The following BAIAP2L1 variants were observed in gnomAD, a reference collection of about 807,000 sequenced individuals.
The protein encoded by BAIAP2L1 is BAR/IMD domain containing adaptor protein 2 like 1.
In BAIAP2L1, 35 loss-of-function variants were observed where a neutral mutation model predicts 66.3. The observed-to-expected ratio is 0.53, with a 90% CI of 0.40 to 0.70. BAIAP2L1 has a LOEUF of 0.70. Among genes scored for constraint, BAIAP2L1 ranks in the 30% least tolerant of loss-of-function variants. The pLI is 0.00. For missense variants in BAIAP2L1, 622 were observed against 656.9 expected (o/e 0.95, Z 0.58); for synonymous variants, 269 against 248.7 (o/e 1.08, Z -0.77).
At chr7:98,393,709 T>C (rs754047037) in intron 1 of BAIAP2L1, among the ~76,000 whole-genome samples, 251 of 150,316 alleles carry the variant, frequency 1.7e-3, no homozygotes, top group Non-Finnish European at 2.7e-3. Context: ...GTGGTCTTGA[T>C]CTCCTGACTT....
At chr7:98,395,151 T>C (rs749694273) in intron 1 of BAIAP2L1, among the ~76,000 whole-genome samples, 1 of 149,088 alleles carries the variant, frequency 6.7e-6, no homozygotes, top group Non-Finnish European at 1.5e-5. Context: ...AGAAAGAAAA[T>C]AATCCCAGCC....
intron 1 of BAIAP2L1, among the ~76,000 whole-genome samples, chr7:98,367,612 T>C (rs1802415943): frequency 6.8e-6 from 1 of 146,208 alleles, no homozygotes; most frequent in Admixed American, 7.2e-5. Context: ...CTCGGCTCAC[T>C]GCAAGCTCTG....
At chr7:98,388,550 A>T (rs1428396964) in intron 1 of BAIAP2L1, among the ~76,000 whole-genome samples, 1 of 152,252 alleles carries the variant, frequency 6.6e-6, no homozygotes, top group Non-Finnish European at 1.5e-5. Flanking sequence ...GTTTACAGGC[A>T]TATTGTTCCT....
chr7:98,378,624 T>C (rs868304329), intron 1 of BAIAP2L1, among the ~76,000 whole-genome samples: 3 of 152,168 alleles, frequency 2.0e-5, no homozygotes, highest in Admixed American at 6.6e-5. Context: ...AGAAACTACA[T>C]GTAATCAAGG....
At chr7:98,365,789 C>T (rs1316117492) in intron 1 of BAIAP2L1, among the ~76,000 whole-genome samples, 3 of 152,184 alleles carry the variant, frequency 2.0e-5, no homozygotes, top group East Asian at 3.8e-4. Flanking sequence ...CTTTTGATTG[C>T]TTCTTTTTAA....
At chr7:98,357,093 C>T (rs1400330703) in intron 2 of BAIAP2L1, among the ~76,000 whole-genome samples, 1 of 111,836 alleles carries the variant, frequency 8.9e-6, no homozygotes, top group Non-Finnish European at 1.7e-5. Flanking sequence ...CACTCTGTTG[C>T]CCAGGCTGGT....
intron 12 of BAIAP2L1, among the ~76,000 whole-genome samples, chr7:98,294,790 A>T (rs1460852624): frequency 6.6e-6 from 1 of 152,224 alleles, no homozygotes; most frequent in African/African-American, 2.4e-5. Context: ...GGGATCTTGT[A>T]GGAAGCTCAA....
At chr7:98,374,328 A>G (rs1487570035) in intron 1 of BAIAP2L1, among the ~76,000 whole-genome samples, 3 of 152,178 alleles carry the variant, frequency 2.0e-5, no homozygotes, top group African/African-American at 7.2e-5. Context: ...ATCCGGCTCT[A>G]TGTCTAACAT....
chr7:98,303,032 G>T (rs947570769), intron 12 of BAIAP2L1, among the ~76,000 whole-genome samples: 1 of 152,138 alleles, frequency 6.6e-6, no homozygotes. Context: ...TGATCCTCCT[G>T]CCTTGGCCTC....
intron 1 of BAIAP2L1, among the ~76,000 whole-genome samples, chr7:98,382,030 A>G (rs950780932): frequency 7.4e-5 from 11 of 148,974 alleles, no homozygotes; most frequent in Non-Finnish European, 1.2e-4. Flanking sequence ...AGTTCACGCC[A>G]TTCTCCTGCC....
chr7:98,295,834 C>T (rs1800166412), intron 12 of BAIAP2L1, among the ~76,000 whole-genome samples: 1 of 152,192 alleles, frequency 6.6e-6, no homozygotes, highest in Non-Finnish European at 1.5e-5. Context: ...CCAGTAAATC[C>T]TCACAAAGAA....
chr7:98,308,360 C>T (rs986218233), intron 9 of BAIAP2L1: 2 of 445,542 alleles, frequency 4.5e-6, no homozygotes, highest in African/African-American at 2.0e-5. Flanking sequence ...CCATGCTGGC[C>T]GCTCAGCTTC....
At chr7:98,334,206 T>C (rs1397285613) in intron 3 of BAIAP2L1, among the ~76,000 whole-genome samples, 2 of 152,166 alleles carry the variant, frequency 1.3e-5, no homozygotes, top group East Asian at 3.9e-4. Context: ...CAAATTTCTA[T>C]AGTTATAAAA....
intron 12 of BAIAP2L1, among the ~76,000 whole-genome samples, chr7:98,296,047 C>G (rs1054445248): frequency 1.3e-5 from 2 of 152,106 alleles, no homozygotes; most frequent in African/African-American, 4.8e-5. Flanking sequence ...CAGCCCAGAC[C>G]AGAAACACCA....
chr7:98,320,976 C>T (rs1218304224), intron 3 of BAIAP2L1, among the ~76,000 whole-genome samples: 2 of 152,192 alleles, frequency 1.3e-5, no homozygotes, highest in Non-Finnish European at 2.9e-5. Context: ...TCCACCTCAG[C>T]CTCCCGAGTA....
rs1800711056 is a variant in BAIAP2L1 at position 98,307,688 on chromosome 7, C to T, written c.1163+1G>A. ...GCGGGGACCATCACGCCCAGACTTACGCCTTGGACACGTCGTGTTCTCCAT... is the reference window on the plus strand; with the variant it reads ...GCGGGGACCATCACGCCCAGACTTATGCCTTGGACACGTCGTGTTCTCCAT... On this transcript the variant is annotated splice_donor_variant, in intron 10 of 13. Transcript: ENST00000005260. LOFTEE classifies it high-confidence loss of function. 7 of 1,613,810 alleles carry T rather than the reference C, an allele frequency of 4.3e-6. No homozygotes were observed. The highest frequency in any genetic ancestry group is 5.9e-6 in the Non-Finnish European group (7 of 1,180,042).
chr7:98,338,444 A>G (rs1335709705), intron 3 of BAIAP2L1, among the ~76,000 whole-genome samples: 2 of 149,148 alleles, frequency 1.3e-5, no homozygotes, highest in Non-Finnish European at 3.0e-5. Context: ...AAAAAAAGAC[A>G]TGCCGTTAAG....
At chr7:98,371,614 T>C (rs1335830188) in intron 1 of BAIAP2L1, among the ~76,000 whole-genome samples, 2 of 152,224 alleles carry the variant, frequency 1.3e-5, no homozygotes, top group Non-Finnish European at 2.9e-5. Flanking sequence ...TGCAATCTTA[T>C]GACGGTTTTA....
At chr7:98,393,764 C>T (rs1461218242) in intron 1 of BAIAP2L1, among the ~76,000 whole-genome samples, 2 of 146,632 alleles carry the variant, frequency 1.4e-5, no homozygotes, top group African/African-American at 2.5e-5. Flanking sequence ...GGATTACAGA[C>T]GTGAGCCACC....
Sources: allele counts gnomAD v4.1 joint callset (sites outside exome capture counted in the v4.1 genomes callset), GRCh38; gene constraint gnomAD v4.1.1; transcripts MANE v1.5; gene names NCBI Gene and HGNC (gene_info 2026-07-23, HGNC 2026-07-21).